CPNE7: variants seen among roughly 807,000 people sequenced by gnomAD.
CPNE7 encodes copine-7.
In CPNE7, 78 loss-of-function variants were observed where a neutral mutation model predicts 66.5. That is an observed-to-expected ratio of 1.17 (90% CI 0.98 to 1.42). CPNE7 has a LOEUF of 1.42. CPNE7 is among the 40% of genes most tolerant of loss of function. CPNE7 has a pLI of 0.00. For missense variants in CPNE7, 1,012 were observed against 776.6 expected (o/e 1.30, Z -3.60); for synonymous variants, 468 against 336.7 (o/e 1.39, Z -4.27).
chr16:89,584,233 C>A lies in CPNE7; in HGVS notation c.507+131C>A, dbSNP rs981195926. 2.4e-5 allele frequency: 21 copies of A among 874,728 alleles called. No individual in the cohort carries two copies. The highest frequency in any genetic ancestry group is 8.5e-5 in the African/African-American group (5 of 58,948). The allele number at this position is 874,728 out of a possible 1,614,324, so 54.2% of individuals were successfully genotyped here. A position where few individuals can be genotyped will look rare whatever the true frequency, so the allele number is the denominator to read the frequency against. ...AGACGTGTGCGGAGTGTGCCTGGGGCTGGGCGTGCTGCCGTCACGGTCGCC... is the reference window on the plus strand; with the variant it reads ...AGACGTGTGCGGAGTGTGCCTGGGGATGGGCGTGCTGCCGTCACGGTCGCC... On this transcript the variant is annotated intron_variant, in intron 4 of 14. Coordinates refer to ENST00000319518, the MANE Select transcript of CPNE7 (RefSeq NM_153636.3). This position sits in a 1 kb window ranked among gnomAD's most constrained non-coding sequence, Gnocchi z 6.0.
chr16:89,593,292 C>G lies in CPNE7; in HGVS notation c.1302+2032C>G, dbSNP rs191211010. The stretch of plus-strand genomic sequence containing the variant: ...CTTTGATGCTTTTTAAAAAACTTGG[C>G]ACTGCACACACACATTTGTGAACCG... On this transcript the variant is annotated intron_variant, in intron 13 of 14. Transcript: ENST00000319518. Among the ~76,000 whole-genome samples the G allele has an allele frequency of 1.0e-3, 155 of 152,014 alleles. 3 individuals carry two copies. Among genetic ancestry groups the G allele is most frequent in the African/African-American group, 3.2e-3 (132 of 41,434 alleles).
chr16:89,586,320 T>C (rs2059037574), intron 7 of CPNE7, among the ~76,000 whole-genome samples: 1 of 151,746 alleles, frequency 6.6e-6, no homozygotes, highest in Non-Finnish European at 1.5e-5. Context: ...ACAGGGGTGG[T>C]GGGAGGTGGG....
intron 10 of CPNE7, among the ~76,000 whole-genome samples, chr16:89,589,383 C>G (rs1266459183): frequency 6.6e-6 from 1 of 152,216 alleles, no homozygotes; most frequent in Non-Finnish European, 1.5e-5. Flanking sequence ...ACGTCTGTGT[C>G]CCGCTTTGCC....
rs750640063 is a variant in CPNE7, at chr16:89,578,823, C to T, written c.357+1102C>T. ...CAGGTCCTACGGTGGCCACTGCTTC[C>T]TTGGTGATGCTCTCTGGGTTACGGC... On this transcript the variant is annotated intron_variant, in intron 2 of 14. Transcript: ENST00000319518. The T allele has an allele frequency of 5.7e-6, 9 of 1,570,222 alleles. 1 individual carries two copies. The highest frequency in any genetic ancestry group is 3.4e-4 in the Middle Eastern group (2 of 5,810).
In CPNE7 at chr16:89,587,332, C is replaced by CCG. The variant is rs2059069478; in HGVS notation, c.927+231_927+232insGC. On this transcript the variant is annotated intron_variant, in intron 9 of 14. Transcript: ENST00000319518. ...CATCCCCGCCCCCTCAGTCCGTGGC[C>CCG]CCGCCCCCGCCCCCGCCCCCGCCCC... 9.7e-4 allele frequency among the ~76,000 whole-genome samples: 10 copies of CCG among 10,328 alleles called. 4 individuals carry two copies. Among genetic ancestry groups the CCG allele is most frequent in the African/African-American group, 4.6e-3 (10 of 2,162 alleles). 6.8% of individuals were successfully genotyped at this position (10,328 alleles called of 152,430 possible).
intron 2 of CPNE7, among the ~76,000 whole-genome samples, chr16:89,581,958 A>T (rs928414797): frequency 6.6e-6 from 1 of 152,192 alleles, no homozygotes; most frequent in Admixed American, 6.5e-5. Flanking sequence ...ACACCTTTCT[A>T]TGTACACACA....
chr16:89,577,190 G>A (rs978533481), intron 1 of CPNE7, among the ~76,000 whole-genome samples: 2 of 152,102 alleles, frequency 1.3e-5, no homozygotes, highest in African/African-American at 2.4e-5. Flanking sequence ...TGTACCCTAC[G>A]CCCCCTCCCC....
chr16:89,594,330 A>G (rs930246316), intron 13 of CPNE7, among the ~76,000 whole-genome samples: 11 of 152,124 alleles, frequency 7.2e-5, no homozygotes, highest in African/African-American at 2.7e-4. Context: ...CTGCCTTGCA[A>G]ACAGGTAATT....
chr16:89,582,751 T>C (rs2151433996), intron 2 of CPNE7, among the ~76,000 whole-genome samples: 1 of 152,304 alleles, frequency 6.6e-6, no homozygotes, highest in East Asian at 1.9e-4. Flanking sequence ...GGACTGCCCC[T>C]CTCTGCTTTG....
In CPNE7 at chr16:89,591,268, C is replaced by T. The variant is rs1201796317; in HGVS notation, c.1302+8C>T. ...AGCACCGGGAAAGCCTCTGTAGGTG[C>T]CCGGGGGGTGTGGTGCATGCTTGGT... On this transcript the variant is annotated splice_region_variant and intron_variant, in intron 13 of 14. Transcript: ENST00000319518. 1.9e-6 allele frequency: 3 copies of T among 1,564,124 alleles called. No individual in the cohort carries two copies. Among genetic ancestry groups the T allele is most frequent in the Non-Finnish European group, 2.6e-6 (3 of 1,155,458 alleles).
chr16:89,588,907 C>G, intron 10 of CPNE7, 99 bp downstream of exon 10: 1 of 1,483,566 alleles, frequency 6.7e-7, no homozygotes. Flanking sequence ...TCCAGGTCAG[C>G]TATGACAGGT....
At chr16:89,589,600 A>C (rs1423640027) in intron 10 of CPNE7, among the ~76,000 whole-genome samples, 1 of 152,166 alleles carries the variant, frequency 6.6e-6, no homozygotes, top group Non-Finnish European at 1.5e-5. Context: ...TTGGCCCCAC[A>C]GGACCCCTCC....
rs2271913 is a variant in CPNE7 at position 89,584,593 on chromosome 16, A to G, written c.508-181A>G. Among the ~76,000 whole-genome samples, 5,020 of 141,582 alleles carry G rather than the reference A, an allele frequency of 0.035. 114 individuals are homozygous for G. The highest frequency in any genetic ancestry group is 0.1 in the South Asian group (405 of 3,974). 92.9% of individuals were successfully genotyped at this position (141,582 alleles called of 152,430 possible). ...GAGGGCTGAGTTGCCCGCCGTGGTC[A>G]GATCCCTGGGGGCGGGAGGGAGGGA... On this transcript the variant is annotated intron_variant, in intron 4 of 14. Coordinates refer to ENST00000319518, the MANE Select transcript of CPNE7 (RefSeq NM_153636.3). The surrounding 1 kb of genome is among the most constrained non-coding windows in gnomAD (Gnocchi z 6.0).
Position 89,584,792 on chromosome 16 carries a change from G to A in CPNE7, c.526G>A (p.Asp176Asn), listed in dbSNP as rs756792230. 3 of 1,613,484 alleles carry A rather than the reference G, an allele frequency of 1.9e-6. No homozygotes were observed. Among genetic ancestry groups the A allele is most frequent in the East Asian group, 2.2e-5 (1 of 44,874 alleles). ...LDDKDLFSKS[D>N]PFLELYRVND... ...TCCCCAGGACCTCTTCAGCAAGTCC[G>A]ACCCCTTCCTGGAGCTCTACAGGGT... The change falls in exon 5 of 15, where the codon GAC (aspartate) becomes AAC (asparagine). Residue 176 changes from aspartate (D) to asparagine (N), a missense_variant. Physicochemically the swap from Asp to Asn is conservative, Grantham distance 23 (BLOSUM62 1). Coordinates refer to ENST00000319518, the MANE Select transcript of CPNE7 (RefSeq NM_153636.3). This position sits in a 1 kb window ranked among gnomAD's most constrained non-coding sequence, Gnocchi z 6.0.
At chr16:89,585,021 C>T (rs1237660539) in intron 5 of CPNE7, among the ~76,000 whole-genome samples, 164 bp downstream of exon 5, 2 of 152,134 alleles carry the variant, frequency 1.3e-5, no homozygotes, top group African/African-American at 2.4e-5. Context: ...GCCGCAGGCG[C>T]AGGGCCCTGG....
chr16:89,595,849 G>A (rs774090729), intron 14 of CPNE7: 10 of 650,616 alleles, frequency 1.5e-5, no homozygotes, highest in Non-Finnish European at 2.8e-5. Flanking sequence ...AGCACAAGGG[G>A]CTCCTGGGAT....
rs868471084 is a variant in CPNE7, at chr16:89,591,029, A to G, written c.1139A>G (p.Asn380Ser). 9 of 1,613,532 alleles carry G rather than the reference A, an allele frequency of 5.6e-6. No individual in the cohort carries two copies. The highest frequency in any genetic ancestry group is 6.8e-6 in the Non-Finnish European group (8 of 1,179,836). ...KYEVSHDFAI[N>S]FNPEDDECEG... Reference sequence around the variant, plus strand: ...CAGGTGTCCCATGACTTTGCCATCAATTTCAACCCTGAGGACGATGAGTGT... The same window carrying G: ...CAGGTGTCCCATGACTTTGCCATCAGTTTCAACCCTGAGGACGATGAGTGT... The change falls in exon 12 of 15, where the codon AAT becomes AGT. Residue 380 changes from asparagine to serine, a missense_variant. Physicochemically the swap from Asn to Ser is conservative, Grantham distance 46 (BLOSUM62 1). Coordinates refer to ENST00000319518, the MANE Select transcript of CPNE7 (RefSeq NM_153636.3).
chr16:89,589,436 G>A (rs1055409081), intron 10 of CPNE7, among the ~76,000 whole-genome samples: 5 of 152,196 alleles, frequency 3.3e-5, no homozygotes, highest in Admixed American at 6.5e-5. Context: ...GCTCACCCGC[G>A]TATGCTTTAC....
Position 89,577,603 on chromosome 16 carries a change from A to G in CPNE7, c.239A>G (p.Asp80Gly), listed in dbSNP as rs1597689539. 1 of 1,559,236 alleles carries G rather than the reference A, an allele frequency of 6.4e-7. No individual in the cohort carries two copies. The highest frequency in any genetic ancestry group is 8.7e-7 in the Non-Finnish European group (1 of 1,151,016). Residue 80 changes from aspartate (D) to glycine (G), a missense_variant, in exon 2 of 15, where the codon GAC becomes GGC. By Grantham distance (94) the Asp-to-Gly change is moderately conservative. Transcript: ENST00000319518. The part of the protein sequence containing the change: ...HPVFSKVFTV[D>G]YYFEEVQRLR... ...GTGTTCTCCAAGGTCTTCACGGTGG[A>G]CTACTACTTCGAGGAGGTGCAGAGG... is the stretch of plus-strand genomic sequence containing the variant.
Sources: gnomAD v4.1 joint callset for allele counts (sites outside exome capture counted in the v4.1 genomes callset) on GRCh38, gnomAD v4.1.1 for gene constraint, Gnocchi (gnomAD v3.1) non-coding constraint, MANE v1.5 for transcripts, NCBI Gene and HGNC (gene_info 2026-07-23, HGNC 2026-07-21) for gene names.